SP140: variants seen among roughly 807,000 people sequenced by gnomAD.
SP140 encodes the protein SP140 nuclear body protein.
Under a neutral mutation model 125.0 loss-of-function variants are expected in SP140, and 81 were observed. The ratio of observed to expected loss-of-function variants is 0.65; its 90% CI spans 0.54 to 0.78. The LOEUF (loss-of-function observed/expected upper bound fraction) is 0.78. Among genes scored for constraint, SP140 ranks in the 30% least tolerant of loss-of-function variants. SP140 has a pLI of 0.00. For missense variants in SP140, 858 were observed against 1,037.0 expected (o/e 0.83, Z 2.37); for synonymous variants, 312 against 354.0 (o/e 0.88, Z 1.33).
chr2:230,200,596 T>C (rs56159955), upstream of SP140: 64,739 of 467,706 alleles, frequency 0.14, 5,710 homozygotes, highest in South Asian at 0.26. Flanking sequence ...TTCTCAGTAA[T>C]GGTGATATTG....
At chr2:230,246,649 C>T (rs928488851) in intron 7 of SP140, among the ~76,000 whole-genome samples, 33 of 151,964 alleles carry the variant, frequency 2.2e-4, no homozygotes, top group African/African-American at 7.5e-4. Flanking sequence ...TACAGAAAGA[C>T]TGAAGTTTAA....
intron 19 of SP140, among the ~76,000 whole-genome samples, chr2:230,291,962 A>G (rs1029353191): frequency 1.1e-4 from 17 of 152,078 alleles, no homozygotes; most frequent in Non-Finnish European, 2.4e-4. Flanking sequence ...CTGTCATCCT[A>G]GTGGGTATGA....
At chr2:230,300,023 G>A (rs548764801) in intron 22 of SP140, among the ~76,000 whole-genome samples, 1 of 152,164 alleles carries the variant, frequency 6.6e-6, no homozygotes, top group African/African-American at 2.4e-5. Context: ...TTCTCTACCT[G>A]CCCCTGTAGC....
upstream of SP140, chr2:230,200,699 T>G: frequency 4.8e-6 from 3 of 627,172 alleles, no homozygotes; most frequent in Non-Finnish European, 8.5e-6. Context: ...TTACATAAAA[T>G]GGACATATAT....
intron 14 of SP140, among the ~76,000 whole-genome samples, chr2:230,270,285 C>A (rs2053744177): frequency 1.3e-5 from 2 of 152,166 alleles, no homozygotes; most frequent in Admixed American, 1.3e-4. Context: ...AATAGTGTCA[C>A]TTTGCTACAA....
chr2:230,259,573 C>T (rs2051837116), intron 12 of SP140, among the ~76,000 whole-genome samples: 1 of 151,192 alleles, frequency 6.6e-6, no homozygotes, highest in South Asian at 2.1e-4. Context: ...GTAATCCCAG[C>T]TACTAGCAGG....
chr2:230,301,221 C>T (rs72990219), intron 22 of SP140, among the ~76,000 whole-genome samples: 12,526 of 152,126 alleles, frequency 0.082, 702 homozygotes, highest in South Asian at 0.19. Context: ...AACATATTCG[C>T]GGGAATAATC....
chr2:230,225,910 C>G lies in SP140; in HGVS notation c.59+7C>G, dbSNP rs1329717381. ...ACAGCAATCTCAACTTCAGGTGGGT[C>G]ATCGTCTCCTTTCCCGTCTGTCCTT... On this transcript the variant is annotated splice_region_variant and intron_variant, in intron 1 of 26. Coordinates refer to ENST00000392045, the MANE Select transcript of SP140 (RefSeq NM_007237.5). The G allele has an allele frequency of 6.2e-7, 1 of 1,612,432 alleles. No individual in the cohort carries two copies. Among genetic ancestry groups the G allele is most frequent in the South Asian group, 1.1e-5 (1 of 91,016 alleles).
intron 12 of SP140, among the ~76,000 whole-genome samples, chr2:230,262,705 C>T (rs571904118): frequency 9.0e-4 from 137 of 151,984 alleles, no homozygotes; most frequent in African/African-American, 3.2e-3. Context: ...ATCTTGATTT[C>T]GTTTTTGACC....
intron 26 of SP140, 122 bp from the exon 27 acceptor site, chr2:230,312,464 A>G (rs1247132882): frequency 2.4e-5 from 15 of 618,614 alleles, no homozygotes; most frequent in Non-Finnish European, 4.2e-5. Context: ...ATATGCCATT[A>G]TAAATTGTAG....
At chr2:230,273,156 C>A (rs1250329730) in intron 15 of SP140, among the ~76,000 whole-genome samples, 1 of 152,192 alleles carries the variant, frequency 6.6e-6, no homozygotes, top group Non-Finnish European at 1.5e-5. Context: ...AGTAAACAGA[C>A]AACTTACAGA....
At chr2:230,274,814 A>G (rs1006065656) in intron 15 of SP140, among the ~76,000 whole-genome samples, 6 of 151,694 alleles carry the variant, frequency 4.0e-5, no homozygotes, top group African/African-American at 1.5e-4. Context: ...TTTGCTGTAC[A>G]TATTTCTATA....
intron 12 of SP140, among the ~76,000 whole-genome samples, chr2:230,258,945 C>T (rs1335127715): frequency 1.3e-5 from 2 of 151,670 alleles, no homozygotes; most frequent in Non-Finnish European, 2.9e-5. Flanking sequence ...GATCCAAGTA[C>T]AAAATCTCCA....
At chr2:230,251,531 C>A (rs1263355744) in intron 10 of SP140, among the ~76,000 whole-genome samples, 1 of 152,148 alleles carries the variant, frequency 6.6e-6, no homozygotes, top group East Asian at 1.9e-4. Flanking sequence ...TTTTTCTTCA[C>A]TATCAATAGT....
chr2:230,230,821 A>G (rs993098892), intron 1 of SP140, among the ~76,000 whole-genome samples: 1 of 152,166 alleles, frequency 6.6e-6, no homozygotes, highest in South Asian at 2.1e-4. Context: ...CTTGGCTATC[A>G]CTACTTGAAT....
At chr2:230,232,049 G>A (rs927111678) in intron 1 of SP140, among the ~76,000 whole-genome samples, 6 of 152,150 alleles carry the variant, frequency 3.9e-5, no homozygotes, top group Non-Finnish European at 8.8e-5. Context: ...TGGCCAGAAG[G>A]GGCTAGATTT....
chr2:230,248,808 T>A, intron 8 of SP140, 77 bp from the exon 9 acceptor site: 1 of 1,207,412 alleles, frequency 8.3e-7, no homozygotes, highest in South Asian at 1.2e-5. Context: ...CATTTGCCCA[T>A]CTTGGATGGC....
intron 15 of SP140, among the ~76,000 whole-genome samples, chr2:230,280,124 C>A (rs1368666741): frequency 2.6e-5 from 4 of 152,154 alleles, no homozygotes; most frequent in Non-Finnish European, 5.9e-5. Flanking sequence ...GATTTGCATA[C>A]AAATGTGTTA....
At chr2:230,235,757 A>C (rs1276986238) in intron 1 of SP140, among the ~76,000 whole-genome samples, 1 of 152,142 alleles carries the variant, frequency 6.6e-6, no homozygotes, top group African/African-American at 2.4e-5. Context: ...GCACAGCCTT[A>C]ATGTCTGAAA....
Sources: gnomAD v4.1 joint callset for allele counts (sites outside exome capture counted in the v4.1 genomes callset) on GRCh38, gnomAD v4.1.1 for gene constraint, MANE v1.5 for transcripts, NCBI Gene and HGNC (gene_info 2026-07-23, HGNC 2026-07-21) for gene names.